FAM227B: variants seen among roughly 807,000 people sequenced by gnomAD.
FAM227B encodes protein FAM227B.
Under a neutral mutation model 73.8 loss-of-function variants are expected in FAM227B, and 88 were observed. The ratio of observed to expected loss-of-function variants is 1.19; its 90% CI spans 1.00 to 1.42. The LOEUF is 1.42. Among genes scored for constraint, FAM227B ranks in the 40% most tolerant of loss-of-function variants. The probability of loss-of-function intolerance (pLI) is 0.00; values close to 1 mark genes in which losing one functional copy is unlikely to be tolerated. For synonymous variants in FAM227B, 210 were observed against 190.5 expected (o/e 1.10, Z -0.84); for missense variants, 632 against 590.9 (o/e 1.07, Z -0.72).
chr15:49,575,975 T>C (rs557916705), intron 7 of FAM227B, among the ~76,000 whole-genome samples: 11 of 152,208 alleles, frequency 7.2e-5, no homozygotes, highest in Non-Finnish European at 1.5e-4. Flanking sequence ...AAGATTTCTT[T>C]TAAGTGCATC....
At chr15:49,592,000 T>C (rs997725792) in intron 3 of FAM227B, among the ~76,000 whole-genome samples, 2 of 152,214 alleles carry the variant, frequency 1.3e-5, no homozygotes, top group African/African-American at 4.8e-5. Context: ...GAAGTTCTCA[T>C]GGCATGGTTT....
chr15:49,564,622 AT>A (rs2152342467), intron 9 of FAM227B, among the ~76,000 whole-genome samples: 1 of 152,114 alleles, frequency 6.6e-6, no homozygotes, highest in South Asian at 2.1e-4. Context: ...GATGAAGAAA[AT>A]GTGGTACATA....
At chr15:49,372,288 A>C (rs888132866) in intron 11 of FAM227B, among the ~76,000 whole-genome samples, 1 of 152,078 alleles carries the variant, frequency 6.6e-6, no homozygotes, top group African/African-American at 2.4e-5. Flanking sequence ...AAATGAAATA[A>C]AATTCATTTA....
At chr15:49,590,403 A>C (rs959012610) in intron 3 of FAM227B, among the ~76,000 whole-genome samples, 2 of 152,214 alleles carry the variant, frequency 1.3e-5, no homozygotes, top group Non-Finnish European at 2.9e-5. Context: ...AAAAGAATCT[A>C]GTTCAGAATA....
Position 49,420,551 on chromosome 15 carries a change from A to G in FAM227B, c.1013-49152T>C, listed in dbSNP as rs144488460. On this transcript the variant is annotated intron_variant, in intron 11 of 15. Transcript: ENST00000299338. ...GCATAGCGAAACTCTGAAAAGATAC[A>G]CAAGAAACTAATAAAAAGAATTATC... 1.2e-3 allele frequency among the ~76,000 whole-genome samples: 177 copies of G among 152,334 alleles called. 1 individual carries two copies. Among genetic ancestry groups the G allele is most frequent in the African/African-American group, 4.2e-3 (175 of 41,586 alleles).
intron 3 of FAM227B, among the ~76,000 whole-genome samples, chr15:49,591,482 TCC>T (rs1237783253): frequency 1.6e-5 from 2 of 122,148 alleles, no homozygotes; most frequent in South Asian, 2.7e-4. Context: ...GGCCCTTCCT[TCC>T]TTTTTTTTTT....
chr15:49,395,299 T>C (rs759000690), intron 11 of FAM227B, among the ~76,000 whole-genome samples: 1 of 152,188 alleles, frequency 6.6e-6, no homozygotes, highest in Non-Finnish European at 1.5e-5. Flanking sequence ...AAAATCACTT[T>C]TGCTTCTCAG....
At chr15:49,456,932 G>T (rs1419798606) in intron 11 of FAM227B, among the ~76,000 whole-genome samples, 2 of 152,188 alleles carry the variant, frequency 1.3e-5, no homozygotes, top group Middle Eastern at 3.4e-3. Flanking sequence ...TTTTTAAAAA[G>T]ATACCTTCAT....
chr15:49,527,731 A>C (rs2060307200), intron 10 of FAM227B, among the ~76,000 whole-genome samples: 1 of 151,872 alleles, frequency 6.6e-6, no homozygotes, highest in Non-Finnish European at 1.5e-5. Flanking sequence ...AAACCAAACC[A>C]AAACTCAGTC....
intron 11 of FAM227B, among the ~76,000 whole-genome samples, chr15:49,465,374 G>C (rs562649986): frequency 5.3e-5 from 8 of 151,210 alleles, no homozygotes; most frequent in African/African-American, 1.9e-4. Context: ...GAGCTCAAGT[G>C]ATCTGCCCAC....
At chr15:49,402,477 T>G (rs780655089) in intron 11 of FAM227B, among the ~76,000 whole-genome samples, 17 of 152,240 alleles carry the variant, frequency 1.1e-4, no homozygotes, top group Non-Finnish European at 2.2e-4. Flanking sequence ...TAGTTCTTAC[T>G]GAAAAGGTCC....
intron 5 of FAM227B, among the ~76,000 whole-genome samples, chr15:49,581,201 G>GA (rs1219874515): frequency 2.0e-5 from 3 of 152,022 alleles, no homozygotes; most frequent in African/African-American, 7.2e-5. Context: ...TGACACGAAA[G>GA]AAAAAATATT....
intron 11 of FAM227B, among the ~76,000 whole-genome samples, chr15:49,450,027 G>GT (rs749065680): frequency 1.3e-5 from 2 of 152,086 alleles, no homozygotes; most frequent in Non-Finnish European, 2.9e-5. Flanking sequence ...GCATGAGCCC[G>GT]TAAGGAATGG....
intron 11 of FAM227B, among the ~76,000 whole-genome samples, chr15:49,413,613 C>T (rs1212791849): frequency 6.6e-6 from 1 of 152,028 alleles, no homozygotes; most frequent in Non-Finnish European, 1.5e-5. Context: ...TCAACTTTTG[C>T]CATCTCCCAA....
At position 49,403,805 on chromosome 15, in the gene FAM227B, G is replaced by T. The variant is rs566168019; in HGVS notation, c.1013-32406C>A. ...TTATTTCTTGTTTTCTGCTAGCTTTGGGGTTGGTTTTCTCTTGGTTCTCTA... is the reference window on the plus strand; with the variant it reads ...TTATTTCTTGTTTTCTGCTAGCTTTTGGGTTGGTTTTCTCTTGGTTCTCTA... On this transcript the variant is annotated intron_variant, in intron 11 of 15. Coordinates refer to ENST00000299338, the MANE Select transcript of FAM227B (RefSeq NM_152647.3). Among the ~76,000 whole-genome samples the T allele has an allele frequency of 9.1e-4, 138 of 151,776 alleles. 5 individuals are homozygous for T. The South Asian group carries it at 0.027, about 30-fold the overall frequency.
chr15:49,345,079 T>G (rs1338005817), intron 13 of FAM227B, among the ~76,000 whole-genome samples: 2 of 152,234 alleles, frequency 1.3e-5, no homozygotes, highest in Non-Finnish European at 2.9e-5. Context: ...GATTTTATTC[T>G]TCTACAAAGT....
At chr15:49,358,835 C>G (rs984277965) in intron 13 of FAM227B, among the ~76,000 whole-genome samples, 6 of 151,966 alleles carry the variant, frequency 3.9e-5, no homozygotes, top group East Asian at 3.9e-4. Flanking sequence ...TGACTTCAAA[C>G]TATACTACAA....
In FAM227B at chr15:49,371,419, A is replaced by G. The variant is rs775559315; in HGVS notation, c.1013-20T>C. 1 of 1,423,654 alleles carries G rather than the reference A, an allele frequency of 7.0e-7. No homozygotes were observed. The highest frequency in any genetic ancestry group is 1.3e-5 in the South Asian group (1 of 77,622). The allele number at this position is 1,423,654 out of a possible 1,614,324, so 88.2% of individuals were successfully genotyped here. On this transcript the variant is annotated intron_variant, in intron 11 of 15. Coordinates refer to ENST00000299338, the MANE Select transcript of FAM227B (RefSeq NM_152647.3). ...CGATACCTAAAACAGAAAATAAAAT[A>G]CTTTTTAAAATTCTGGTATTTTTTT...
At chr15:49,541,453 C>A (rs893731141) in intron 10 of FAM227B, among the ~76,000 whole-genome samples, 4 of 151,852 alleles carry the variant, frequency 2.6e-5, no homozygotes, top group Non-Finnish European at 5.9e-5. Flanking sequence ...ATAATAATTC[C>A]ATTGATTATA....
Sources: allele counts gnomAD v4.1 joint callset (sites outside exome capture counted in the v4.1 genomes callset), GRCh38; gene constraint gnomAD v4.1.1; transcripts MANE v1.5; gene names NCBI Gene and HGNC (gene_info 2026-07-23, HGNC 2026-07-21).